Variants in PYGL observed in about 807,000 individuals in gnomAD.
PYGL encodes the protein glycogen phosphorylase, liver form.
Under a neutral mutation model 100.1 loss-of-function variants are expected in PYGL, and 90 were observed. The observed-to-expected ratio is 0.90, with a 90% confidence interval of 0.76 to 1.07. The LOEUF is 1.07. Among genes scored for constraint, PYGL ranks in the 50% least tolerant of loss-of-function variants. The pLI is 0.00. For missense variants in PYGL, 1,016 were observed against 1,057.6 expected, an observed-to-expected ratio of 0.96 and a Z score of 0.55; for synonymous variants, 373 against 393.0, an observed-to-expected ratio of 0.95 and a Z score of 0.60.
chr14:50,941,980 T>C (rs1274502276), intron 1 of PYGL, among the ~76,000 whole-genome samples: 1 of 152,194 alleles, frequency 6.6e-6, no homozygotes, highest in African/African-American at 2.4e-5. Flanking sequence ...TCTAGATATG[T>C]TCACTAAACA....
chr14:50,908,947 G>T lies in PYGL; in HGVS notation c.2186C>A (p.Ala729Glu). 1 of 1,555,240 alleles carries T rather than the reference G, an allele frequency of 6.4e-7. No individual in the cohort carries two copies. ...VAALDKKGYE[A>E]KEYYEALPEL... ...TGGAAGTGCCTCATAGTATTCTTTT[G>T]CCTCGTACCTGTGGGGTAGGGGTGG... Residue 729 changes from alanine to glutamate, a missense_variant, in exon 18 of 20, where the codon GCA (alanine) becomes GAA (glutamate). Ala to Glu is a moderately radical substitution (Grantham distance 107). Transcript: ENST00000216392.
In PYGL at chr14:50,912,214, C is replaced by G. The variant is rs763742821; in HGVS notation, c.1710G>C (p.Arg570Ser). 1.4e-5 allele frequency: 22 copies of G among 1,614,044 alleles called. No individual in the cohort carries two copies. Among genetic ancestry groups the G allele is most frequent in the Non-Finnish European group, 1.7e-5 (20 of 1,180,028 alleles). ...PSSMFDVQVK[R>S]IHEYKRQLLN... Reference sequence around the variant, plus strand: ...AGAGCTGTCGCTTGTACTCATGTATCCTCTTCACCTGGACATCAAACATGG... The same window carrying G: ...AGAGCTGTCGCTTGTACTCATGTATGCTCTTCACCTGGACATCAAACATGG... Residue 570 changes from arginine to serine, a missense_variant, in exon 14 of 20, where the codon AGG becomes AGC. Transcript: ENST00000216392.
intron 1 of PYGL, 72 bp from the exon 2 acceptor site, chr14:50,937,909 A>C: frequency 8.5e-6 from 11 of 1,294,612 alleles, no homozygotes; most frequent in Non-Finnish European, 1.2e-5. Flanking sequence ...ACACAAGGTC[A>C]TGTGTTAGGT....
chr14:50,905,389 A>T lies in PYGL; in HGVS notation c.*3T>A. 6.2e-7 allele frequency: 1 copy of T among 1,608,220 alleles called. No individual in the cohort carries two copies. Among genetic ancestry groups the T allele is most frequent in the Non-Finnish European group, 8.5e-7 (1 of 1,174,776 alleles). On this transcript the variant is annotated 3_prime_UTR_variant, in exon 20 of 20. Coordinates refer to ENST00000216392, the MANE Select transcript of PYGL (RefSeq NM_002863.5). ...CTATGTTTTCTAGAGACAATTCTAGAGTTCAATTTCCATTGACTTTGTTAG... is the reference window on the plus strand; with the variant it reads ...CTATGTTTTCTAGAGACAATTCTAGTGTTCAATTTCCATTGACTTTGTTAG...
At chr14:50,930,151 A>G (rs1211027869) in intron 4 of PYGL, among the ~76,000 whole-genome samples, 1 of 152,200 alleles carries the variant, frequency 6.6e-6, no homozygotes, top group East Asian at 1.9e-4. Flanking sequence ...CTTCACTAAT[A>G]TTTTATTATA....
At chr14:50,905,929 A>T (rs961056852) in intron 19 of PYGL, among the ~76,000 whole-genome samples, 2 of 152,240 alleles carry the variant, frequency 1.3e-5, no homozygotes, top group Non-Finnish European at 2.9e-5. Context: ...TTGTCTGCTA[A>T]ATGCCATGTC....
At chr14:50,919,185 C>G (rs1372562502) in intron 7 of PYGL, among the ~76,000 whole-genome samples, 1 of 152,182 alleles carries the variant, frequency 6.6e-6, no homozygotes, top group Non-Finnish European at 1.5e-5. Context: ...TTGGTCCTTA[C>G]TGAAGACAGG....
chr14:50,920,505 T>C (rs565764374), intron 7 of PYGL, 36 bp downstream of exon 7: 2 of 1,538,272 alleles, frequency 1.3e-6, no homozygotes, highest in Non-Finnish European at 1.8e-6. Flanking sequence ...ATAAGCTGCC[T>C]CTGTTGCCAC....
chr14:50,929,076 G>A (rs1175427600), intron 4 of PYGL, among the ~76,000 whole-genome samples: 4 of 151,456 alleles, frequency 2.6e-5, no homozygotes, highest in Admixed American at 6.6e-5. Context: ...TTTGAGACAG[G>A]GTCTCACTCA....
At chr14:50,908,229 T>C in intron 19 of PYGL, 42 bp downstream of exon 19, 2 of 1,479,354 alleles carry the variant, frequency 1.4e-6, no homozygotes, top group Non-Finnish European at 1.9e-6. Context: ...TAATGAATCA[T>C]AGTAAACTGG....
chr14:50,912,005 C>G lies in PYGL; in HGVS notation c.1800G>C (p.Val600=). Residue 600 remains valine, a synonymous_variant, in exon 15 of 20, where the codon GTG becomes GTC. Transcript: ENST00000216392. ...TACCACCAATGATAACTGTCCTTGG[C>G]ACGAATAACTTCTTAGGGTCTTTCT... ...RIKKDPKKLF[V]PRTVIIGGKA... The G allele has an allele frequency of 3.1e-6, 5 of 1,613,948 alleles. No homozygotes were observed. The highest frequency in any genetic ancestry group is 4.2e-6 in the Non-Finnish European group (5 of 1,179,830).
chr14:50,909,895 C>G lies in PYGL; in HGVS notation c.2177G>C (p.Gly726Ala), dbSNP rs765927476. Residue 726 changes from glycine to alanine, a missense_variant and splice_region_variant, in exon 17 of 20, where the codon GGG (glycine) becomes GCG (alanine). Gly to Ala is a moderately conservative substitution (Grantham distance 60). Transcript: ENST00000216392. Reference sequence around the variant, plus strand: ...TAGCAAAGAGAAGCTATTCTCTTACCCTTTCTTGTCCAAAGCAGCCACATC... The same window carrying G: ...TAGCAAAGAGAAGCTATTCTCTTACGCTTTCTTGTCCAAAGCAGCCACATC... ...IDDVAALDKK[G>A]YEAKEYYEAL... 1 of 1,614,000 alleles carries G rather than the reference C, an allele frequency of 6.2e-7. No individual in the cohort carries two copies. The highest frequency in any genetic ancestry group is 8.5e-7 in the Non-Finnish European group (1 of 1,180,004).
At chr14:50,931,210 A>G (rs1444203636) in intron 4 of PYGL, among the ~76,000 whole-genome samples, 2 of 152,208 alleles carry the variant, frequency 1.3e-5, no homozygotes, top group Non-Finnish European at 2.9e-5. Flanking sequence ...GGATACAGAC[A>G]TGTATTGGCC....
At chr14:50,914,213 C>T (rs377480512) in intron 12 of PYGL, among the ~76,000 whole-genome samples, 45 of 152,202 alleles carry the variant, frequency 3.0e-4, no homozygotes, top group South Asian at 4.1e-4. Context: ...TTCAAGATGA[C>T]GGCTATGTGT....
chr14:50,906,702 T>C (rs778685766), intron 19 of PYGL, among the ~76,000 whole-genome samples: 5 of 152,246 alleles, frequency 3.3e-5, no homozygotes, highest in Non-Finnish European at 7.3e-5. Context: ...TTCTCTTCCC[T>C]GTGTCTTTGC....
chr14:50,919,779 T>C (rs975308479), intron 7 of PYGL, among the ~76,000 whole-genome samples: 7 of 152,108 alleles, frequency 4.6e-5, no homozygotes, highest in African/African-American at 1.4e-4. Flanking sequence ...TCTCCCAGGC[T>C]CAAGCGATTT....
At position 50,908,845 on chromosome 14, in the gene PYGL, A is replaced by G. The variant is rs748820167; in HGVS notation, c.2288T>C (p.Ile763Thr). 4 of 1,567,404 alleles carry G rather than the reference A, an allele frequency of 2.6e-6. No individual in the cohort carries two copies. Among genetic ancestry groups the G allele is most frequent in the Non-Finnish European group, 3.5e-6 (4 of 1,137,736 alleles). The change falls in exon 18 of 20, where the codon ATC becomes ACC. Residue 763 changes from isoleucine to threonine, a missense_variant. Ile to Thr is a moderately conservative substitution (Grantham distance 89, BLOSUM62 -1). Transcript: ENST00000216392. ...PKQPDLFKDI[I>T]NMLFYHDRFK... Reference sequence around the variant, plus strand: ...CCTGTCATGATAAAATAGCATGTTGATGATATCTTTGAAGAGGTCAGGCTG... The same window carrying G: ...CCTGTCATGATAAAATAGCATGTTGGTGATATCTTTGAAGAGGTCAGGCTG...
In PYGL at chr14:50,944,440, G is replaced by C; in HGVS notation, c.-37C>G. 6.4e-7 allele frequency: 1 copy of C among 1,571,954 alleles called. No homozygotes were observed. The highest frequency in any genetic ancestry group is 8.6e-7 in the Non-Finnish European group (1 of 1,161,948). On this transcript the variant is annotated 5_prime_UTR_variant, in exon 1 of 20. Transcript: ENST00000216392. Reference sequence around the variant, plus strand: ...CGGGCTGCGCGGCGGGCTGCGCAGAGAGCTGGAAGTGCGGCCGGAGGCGCT... The same window carrying C: ...CGGGCTGCGCGGCGGGCTGCGCAGACAGCTGGAAGTGCGGCCGGAGGCGCT...
chr14:50,915,380 C>T lies in PYGL; in HGVS notation c.1359G>A (p.Val453=). ...AHLCIVGSHA[V]NGVAKIHSDI... ...CTGAGTGGATTTTAGCCACGCCATT[C>T]ACAGCATGGGAACCGACAATGCAGA... is the stretch of plus-strand genomic sequence containing the variant. The change falls in exon 11 of 20, where the codon GTG becomes GTA. Residue 453 remains valine, a synonymous_variant. Transcript: ENST00000216392. The T allele has an allele frequency of 6.2e-7, 1 of 1,614,188 alleles. No homozygotes were observed. Among genetic ancestry groups the T allele is most frequent in the South Asian group, 1.1e-5 (1 of 91,084 alleles).
Sources: gnomAD v4.1 joint callset for allele counts (sites outside exome capture counted in the v4.1 genomes callset) on GRCh38, gnomAD v4.1.1 for gene constraint, MANE v1.5 for transcripts, NCBI Gene and HGNC (gene_info 2026-07-23, HGNC 2026-07-21) for gene names.